The following JAKMIP3 variants were observed in gnomAD, a reference collection of about 807,000 sequenced individuals.
JAKMIP3 encodes the protein janus kinase and microtubule-interacting protein 3.
JAKMIP3 carries 58 observed loss-of-function variants against 118.5 expected under a neutral mutation model. That is an observed-to-expected ratio of 0.49 (90% CI 0.40 to 0.61). JAKMIP3 has a LOEUF of 0.61. Among genes scored for constraint, JAKMIP3 ranks in the 20% least tolerant of loss-of-function variants. The pLI, the probability that JAKMIP3 is intolerant of heterozygous loss-of-function variation, is 0.00. For missense variants in JAKMIP3, 950 were observed against 1,109.0 expected, an observed-to-expected ratio of 0.86 and a Z score of 2.04; for synonymous variants, 486 against 451.2, an observed-to-expected ratio of 1.08 and a Z score of -0.98.
Position 132,134,123 on chromosome 10 carries a change from G to A in JAKMIP3, c.849+596G>A, listed in dbSNP as rs116074781. Among the ~76,000 whole-genome samples the A allele has an allele frequency of 7.3e-3, 1,112 of 152,280 alleles. 9 individuals are homozygous for A. The highest frequency in any genetic ancestry group is 0.026 in the African/African-American group (1,071 of 41,548). ...CCACCCGCTTCCTTGCTGCCGCTCC[G>A]CACTCATATCCTCTGTCGTGGTTCT... is the stretch of plus-strand genomic sequence containing the variant. On this transcript the variant is annotated intron_variant, in intron 4 of 23. Coordinates refer to ENST00000684848, the MANE Select transcript of JAKMIP3 (RefSeq NM_001323087.2).
At chr10:132,160,473 G>GT (rs1265378389) in intron 19 of JAKMIP3, among the ~76,000 whole-genome samples, 1 of 55,778 alleles carries the variant, frequency 1.8e-5, no homozygotes, top group Non-Finnish European at 3.4e-5. Context: ...GTGATGCTGG[G>GT]GGACCTCTCC....
chr10:132,111,355 C>CG (rs978296267), intron 2 of JAKMIP3, among the ~76,000 whole-genome samples: 16 of 151,622 alleles, frequency 1.1e-4, no homozygotes, highest in South Asian at 1.0e-3. Flanking sequence ...AGAGACCCCC[C>CG]CCATGAGCAC....
intron 16 of JAKMIP3, among the ~76,000 whole-genome samples, chr10:132,150,756 G>A (rs541151017): frequency 2.7e-5 from 4 of 147,084 alleles, no homozygotes; most frequent in Non-Finnish European, 3.0e-5. Flanking sequence ...CCATGTATCC[G>A]TCCTCCATAA....
Position 132,164,730 on chromosome 10 carries a change from G to A in JAKMIP3, c.2485G>A (p.Glu829Lys), listed in dbSNP as rs768594690. ...GAAGAGACAAATAAAGGAACTGGAGGAAAAGGTAAAACAAATGCAGTTTTG... is the reference window on the plus strand; with the variant it reads ...GAAGAGACAAATAAAGGAACTGGAGAAAAAGGTAAAACAAATGCAGTTTTG... ...AQKRQIKELE[E>K]KFLFLFLFFS... Residue 829 changes from glutamate (E) to lysine (K), a missense_variant, in exon 21 of 24, where the codon GAA (glutamate) becomes AAA (lysine). Physicochemically the swap from Glu to Lys is moderately conservative, Grantham distance 56 (BLOSUM62 1). Coordinates refer to ENST00000684848, the MANE Select transcript of JAKMIP3 (RefSeq NM_001323087.2). The A allele has an allele frequency of 1.1e-5, 17 of 1,601,648 alleles. No homozygotes were observed. In the East Asian group the frequency reaches 1.3e-4, roughly 13 times the overall value.
Position 132,168,338 on chromosome 10 carries a change from T to A in JAKMIP3, c.*408T>A. 2 of 1,289,392 alleles carry A rather than the reference T, an allele frequency of 1.6e-6. No homozygotes were observed. The highest frequency in any genetic ancestry group is 2.0e-6 in the Non-Finnish European group (2 of 988,814). 79.9% of individuals were successfully genotyped at this position (1,289,392 alleles called of 1,614,324 possible). A position where few individuals can be genotyped will look rare whatever the true frequency, so the allele number is the denominator to read the frequency against. On this transcript the variant is annotated 3_prime_UTR_variant, in exon 23 of 24. Transcript: ENST00000684848. Reference sequence around the variant, plus strand: ...CCCTCCTCTCTCTTGGTTCTCACAGTAGCTGCCACTGGTGTCTGGAGGAAG... The same window carrying A: ...CCCTCCTCTCTCTTGGTTCTCACAGAAGCTGCCACTGGTGTCTGGAGGAAG...
chr10:132,055,784 G>A (rs913869), intron 1 of JAKMIP3, among the ~76,000 whole-genome samples: 84,954 of 152,024 alleles, frequency 0.56, 24,154 homozygotes, highest in East Asian at 0.72. Context: ...CTCCCCCGGG[G>A]TTTGTGTCCC....
At chr10:132,111,769 A>G (rs765129744) in intron 2 of JAKMIP3, among the ~76,000 whole-genome samples, 7 of 152,086 alleles carry the variant, frequency 4.6e-5, no homozygotes, top group Non-Finnish European at 8.8e-5. Context: ...TGCATATTAT[A>G]TATTATAAAT....
rs190878176 is a variant in JAKMIP3, at chr10:132,070,356, C to G, written c.-138+4295C>G. The stretch of plus-strand genomic sequence containing the variant: ...AGAGATGGGGTTTCGCCATGTTGGT[C>G]AGGCTGGTCTTGAACTCCTGATCTC... On this transcript the variant is annotated intron_variant, in intron 1 of 23. Coordinates refer to ENST00000684848, the MANE Select transcript of JAKMIP3 (RefSeq NM_001323087.2). 1.1e-3 allele frequency among the ~76,000 whole-genome samples: 171 copies of G among 152,310 alleles called. 2 individuals are homozygous for G. In the East Asian group the frequency reaches 0.031, roughly 28 times the overall value.
intron 1 of JAKMIP3, among the ~76,000 whole-genome samples, chr10:132,077,397 C>G (rs975101139): frequency 6.6e-6 from 1 of 152,154 alleles, no homozygotes; most frequent in African/African-American, 2.4e-5. Context: ...GAACTTGGTC[C>G]CAGCTCTTCT....
intron 1 of JAKMIP3, among the ~76,000 whole-genome samples, chr10:132,098,035 C>A (rs1250412809): frequency 2.5e-5 from 3 of 120,756 alleles, no homozygotes; most frequent in African/African-American, 6.2e-5. Context: ...TCTTCTTTTT[C>A]TTTTCTCTTT....
chr10:132,057,489 G>A (rs1413335499), intron 1 of JAKMIP3, among the ~76,000 whole-genome samples: 3 of 152,150 alleles, frequency 2.0e-5, no homozygotes, highest in Non-Finnish European at 4.4e-5. Context: ...GATAAATGTG[G>A]GATGCTCACA....
At chr10:132,166,737 C>T (rs1032228591) in intron 21 of JAKMIP3, among the ~76,000 whole-genome samples, 1 of 152,148 alleles carries the variant, frequency 6.6e-6, no homozygotes, top group Non-Finnish European at 1.5e-5. Context: ...CCCTGACCAG[C>T]GCCCACCACC....
chr10:132,159,620 G>A (rs1377404418), intron 19 of JAKMIP3, among the ~76,000 whole-genome samples: 12 of 86,860 alleles, frequency 1.4e-4, no homozygotes, highest in African/African-American at 4.9e-4. Flanking sequence ...GATGCTGGGG[G>A]TCCTCTTCCT....
chr10:132,106,828 A>G (rs2045983617), intron 2 of JAKMIP3, among the ~76,000 whole-genome samples: 1 of 152,238 alleles, frequency 6.6e-6, no homozygotes, highest in Non-Finnish European at 1.5e-5. Context: ...AGAAGAGATG[A>G]CTTGTCAAGA....
Position 132,142,024 on chromosome 10 carries a change from G to A in JAKMIP3, c.1578G>A (p.Thr526=), listed in dbSNP as rs149002950. 8 of 1,608,392 alleles carry A rather than the reference G, an allele frequency of 5.0e-6. No homozygotes were observed. The African/African-American group carries it at 6.7e-5, about 13-fold the overall frequency. Residue 526 remains threonine, a synonymous_variant, in exon 11 of 24, where the codon ACG becomes ACA. Transcript: ENST00000684848. The part of the protein sequence containing the change: ...YALLQEQVGG[T]LDAEREVKTR... ...TGTTGCAGGAGCAGGTTGGAGGGAC[G>A]CTGGACGCAGAGCGAGAAGTTAAGG...
Position 132,149,131 on chromosome 10 carries a change from C to T in JAKMIP3, c.1849-281C>T, listed in dbSNP as rs572932013. Among the ~76,000 whole-genome samples, 60 of 152,200 alleles carry T rather than the reference C, an allele frequency of 3.9e-4. No homozygotes were observed. In the South Asian group the frequency reaches 0.012, roughly 29 times the overall value. Reference sequence around the variant, plus strand: ...CCTGGGATTCACTGAGGGATGTGCCCGTGGGCTCAGGGTGGGACTGCCCAG... The same window carrying T: ...CCTGGGATTCACTGAGGGATGTGCCTGTGGGCTCAGGGTGGGACTGCCCAG... On this transcript the variant is annotated intron_variant, in intron 14 of 23. Transcript: ENST00000684848.
At chr10:132,104,615 A>T (rs1233359455) in intron 1 of JAKMIP3, 57 bp from the exon 2 acceptor site, 4 of 606,532 alleles carry the variant, frequency 6.6e-6, no homozygotes, top group Non-Finnish European at 1.2e-5. Context: ...CAAGCCCCTG[A>T]GCTCCAGGCC....
At chr10:132,145,616 CG>C (rs1289025552) in intron 13 of JAKMIP3, 36 bp downstream of exon 13, 1 of 1,526,838 alleles carries the variant, frequency 6.5e-7, no homozygotes, top group Non-Finnish European at 8.9e-7. Context: ...TGGCAGGACT[CG>C]CTCTATGCTC....
chr10:132,132,369 G>A (rs533990128), intron 3 of JAKMIP3, among the ~76,000 whole-genome samples: 1 of 152,316 alleles, frequency 6.6e-6, no homozygotes, highest in East Asian at 1.9e-4. Flanking sequence ...CGTGGAAAAT[G>A]ATGCCCAAAG....
Sources: allele counts gnomAD v4.1 joint callset (sites outside exome capture counted in the v4.1 genomes callset), GRCh38; gene constraint gnomAD v4.1.1; transcripts MANE v1.5; gene names NCBI Gene and HGNC (gene_info 2026-07-23, HGNC 2026-07-21).